Variants in GAS7 observed in about 807,000 individuals in gnomAD.
The protein encoded by GAS7 is growth arrest specific 7, also known as growth arrest-specific protein 7.
Under a neutral mutation model 71.1 loss-of-function variants are expected in GAS7, and 28 were observed. The ratio of observed to expected loss-of-function variants is 0.39; its 90% CI spans 0.29 to 0.54. The LOEUF (loss-of-function observed/expected upper bound fraction) is 0.54, where lower values mean the gene tolerates loss of function less well. Among genes scored for constraint, GAS7 ranks in the 20% least tolerant of loss-of-function variants. The probability of loss-of-function intolerance (pLI) is 0.62; values close to 1 mark genes in which losing one functional copy is unlikely to be tolerated. For synonymous variants in GAS7, 258 were observed against 245.8 expected (o/e 1.05, Z -0.46); for missense variants, 436 against 627.8 (o/e 0.69, Z 3.27).
At chr17:9,940,660 C>T (rs2068570466) in intron 7 of GAS7, among the ~76,000 whole-genome samples, 1 of 152,220 alleles carries the variant, frequency 6.6e-6, no homozygotes, top group African/African-American at 2.4e-5. Flanking sequence ...GAACATCTCC[C>T]TACTGTCTCA....
intron 1 of GAS7, among the ~76,000 whole-genome samples, chr17:10,109,434 T>A (rs2073789516): frequency 6.6e-6 from 1 of 152,076 alleles, no homozygotes; most frequent in South Asian, 2.1e-4. Flanking sequence ...ATTAAAAAGA[T>A]AAAAAATAAC....
At chr17:10,182,738 G>A (rs746810613) in intron 1 of GAS7, among the ~76,000 whole-genome samples, 5 of 152,206 alleles carry the variant, frequency 3.3e-5, no homozygotes, top group African/African-American at 7.2e-5. Context: ...ACCATCTGCA[G>A]TGTACAGCCC....
intron 3 of GAS7, among the ~76,000 whole-genome samples, chr17:9,970,891 C>G (rs939212249): frequency 2.6e-5 from 4 of 152,296 alleles, no homozygotes; most frequent in South Asian, 2.1e-4. Flanking sequence ...CTGGGACCCA[C>G]GTGATCTCGG....
chr17:10,112,858 AAAAG>A (rs2073827329), intron 1 of GAS7, among the ~76,000 whole-genome samples: 1 of 152,018 alleles, frequency 6.6e-6, no homozygotes, highest in Non-Finnish European at 1.5e-5. Context: ...AGAAAAGAAA[AAAAG>A]AAAAAGAAAA....
At position 9,943,108 on chromosome 17, in the gene GAS7, GC is replaced by G. The variant is rs761816235; in HGVS notation, c.731+12del. 3 of 1,553,392 alleles carry G rather than the reference GC, an allele frequency of 1.9e-6. No individual in the cohort carries two copies. The South Asian group carries it at 3.3e-5, about 17-fold the overall frequency. ...GTGCCAGGCCCCAGGGCTGGGAGGGGCCCAGGCTTCACCTTTCCCGGATGAA... is the reference window on the plus strand; with the variant it reads ...GTGCCAGGCCCCAGGGCTGGGAGGGGCCAGGCTTCACCTTTCCCGGATGAA... On this transcript the variant is annotated intron_variant, in intron 7 of 13. Transcript: ENST00000432992.
intron 2 of GAS7, among the ~76,000 whole-genome samples, chr17:9,989,617 T>C (rs1334239080): frequency 6.6e-6 from 1 of 151,694 alleles, no homozygotes; most frequent in Non-Finnish European, 1.5e-5. Context: ...GCAAAACATA[T>C]CAGGTTAGCT....
chr17:10,158,849 G>A (rs1245644192), intron 1 of GAS7, among the ~76,000 whole-genome samples: 1 of 151,420 alleles, frequency 6.6e-6, no homozygotes, highest in Admixed American at 6.6e-5. Context: ...GAGCTGAGGA[G>A]TTCAAGATCA....
intron 1 of GAS7, among the ~76,000 whole-genome samples, chr17:10,156,780 C>T (rs1402487085): frequency 1.5e-4 from 23 of 152,100 alleles, no homozygotes. Context: ...TCGGCCCCCT[C>T]CTGCTGCAGG....
At chr17:10,005,263 A>ACATGTATGTATATGTATATACATG (rs2152176731) in intron 2 of GAS7, among the ~76,000 whole-genome samples, 1 of 148,722 alleles carries the variant, frequency 6.7e-6, no homozygotes, top group African/African-American at 2.6e-5. Flanking sequence ...GTGCACACAT[A>ACATGTATGTATATGTATATACATG]CATGTATGTA....
At chr17:10,142,978 C>G (rs1264011338) in intron 1 of GAS7, among the ~76,000 whole-genome samples, 3 of 151,028 alleles carry the variant, frequency 2.0e-5, no homozygotes, top group Non-Finnish European at 4.4e-5. Context: ...CGAGACCAGC[C>G]TGGCCAACAT....
chr17:10,057,774 C>T (rs987739101), intron 1 of GAS7, among the ~76,000 whole-genome samples: 2 of 152,224 alleles, frequency 1.3e-5, no homozygotes, highest in African/African-American at 4.8e-5. Flanking sequence ...TGAGAACGGG[C>T]CATGATGACG....
At chr17:10,048,173 G>T (rs1417149720) in intron 1 of GAS7, among the ~76,000 whole-genome samples, 1 of 152,064 alleles carries the variant, frequency 6.6e-6, no homozygotes, top group Non-Finnish European at 1.5e-5. Context: ...ATGGTGGTGC[G>T]CACCTGTAAT....
At chr17:10,114,810 A>T (rs2142070198) in intron 1 of GAS7, among the ~76,000 whole-genome samples, 1 of 152,200 alleles carries the variant, frequency 6.6e-6, no homozygotes, top group East Asian at 1.9e-4. Flanking sequence ...TCACTTCCCG[A>T]CACACAGTTT....
intron 1 of GAS7, among the ~76,000 whole-genome samples, chr17:10,114,942 C>T (rs1294853047): frequency 6.6e-6 from 1 of 152,190 alleles, no homozygotes; most frequent in Non-Finnish European, 1.5e-5. Flanking sequence ...GGGCTGCCTC[C>T]TCGCTCTGCC....
chr17:10,102,965 G>A (rs1185330752), intron 1 of GAS7, among the ~76,000 whole-genome samples: 1 of 152,136 alleles, frequency 6.6e-6, no homozygotes, highest in Admixed American at 6.5e-5. Flanking sequence ...TTGAGGAAGG[G>A]CTGTGGAATC....
At chr17:10,069,942 C>T (rs963340095) in intron 1 of GAS7, among the ~76,000 whole-genome samples, 5 of 152,186 alleles carry the variant, frequency 3.3e-5, no homozygotes, top group African/African-American at 7.2e-5. Flanking sequence ...CCTGCCCTCA[C>T]CCGGCACCTC....
intron 2 of GAS7, among the ~76,000 whole-genome samples, chr17:10,012,770 G>A (rs2071826310): frequency 6.6e-6 from 1 of 152,128 alleles, no homozygotes; most frequent in South Asian, 2.1e-4. Flanking sequence ...AGGTGACTAA[G>A]TCATGCAGGC....
intron 1 of GAS7, among the ~76,000 whole-genome samples, chr17:10,168,240 T>C (rs755370270): frequency 6.6e-6 from 1 of 152,116 alleles, no homozygotes; most frequent in African/African-American, 2.4e-5. Flanking sequence ...CTGATGTATA[T>C]GTGCTAACAA....
Position 9,911,007 on chromosome 17 carries a change from C to CAT in GAS7, c.*6219_*6220dup, listed in dbSNP as rs2067421536. On this transcript the variant is annotated 3_prime_UTR_variant, in exon 14 of 14. Transcript: ENST00000432992. This position sits in a 1 kb window ranked among gnomAD's most constrained non-coding sequence, Gnocchi z 4.0. ...TTATTTTGTTAGAAAATTCCACTTTCATAGGGTTTGCCGATGTGCTCGTGT... is the reference window on the plus strand; with the variant it reads ...TTATTTTGTTAGAAAATTCCACTTTCATATAGGGTTTGCCGATGTGCTCGTGT... 1 of 232,860 alleles carries CAT rather than the reference C, an allele frequency of 4.3e-6. No individual in the cohort carries two copies. 14.4% of individuals were successfully genotyped at this position (232,860 alleles called of 1,614,324 possible). A position where few individuals can be genotyped will look rare whatever the true frequency, so the allele number is the denominator to read the frequency against.
Sources: gnomAD v4.1 joint callset for allele counts (sites outside exome capture counted in the v4.1 genomes callset) on GRCh38, gnomAD v4.1.1 for gene constraint, Gnocchi (gnomAD v3.1) non-coding constraint, MANE v1.5 for transcripts, NCBI Gene and HGNC (gene_info 2026-07-23, HGNC 2026-07-21) for gene names.